Variants in ADAMTS2 observed in about 807,000 individuals in gnomAD.
ADAMTS2 encodes A disintegrin and metalloproteinase with thrombospondin motifs 2.
ADAMTS2 carries 50 observed loss-of-function variants against 123.0 expected under a neutral mutation model. That is an observed-to-expected ratio of 0.41 (90% confidence interval 0.32 to 0.51). ADAMTS2 has a LOEUF of 0.51. ADAMTS2 is among the 20% of genes least tolerant of loss of function. The pLI is 0.35. For synonymous variants in ADAMTS2, 678 were observed against 695.4 expected, an observed-to-expected ratio of 0.98 and a Z score of 0.39; for missense variants, 1,494 against 1,705.2, an observed-to-expected ratio of 0.88 and a Z score of 2.18.
At chr5:179,133,565 C>A (rs1278613815) in intron 13 of ADAMTS2, among the ~76,000 whole-genome samples, 1 of 150,950 alleles carries the variant, frequency 6.6e-6, no homozygotes, top group East Asian at 2.0e-4. Flanking sequence ...CCACCGCGCC[C>A]GGCCAAGTTT....
rs888052939 is a variant in ADAMTS2, at chr5:179,234,207, T to C, written c.689-26492A>G. 3.3e-5 allele frequency among the ~76,000 whole-genome samples: 5 copies of C among 152,106 alleles called. No individual in the cohort carries two copies. Among genetic ancestry groups the C allele is most frequent in the African/African-American group, 4.8e-5 (2 of 41,414 alleles). On this transcript the variant is annotated intron_variant, in intron 3 of 21. Coordinates refer to ENST00000251582, the MANE Select transcript of ADAMTS2 (RefSeq NM_014244.5). This position sits in a 1 kb window ranked among gnomAD's most constrained non-coding sequence, Gnocchi z 4.7. ...CGCCCTCCCCATCAGATGCCAGAGA[T>C]ATCACCAGCCCTCGAGGCTTAACCC... is the stretch of plus-strand genomic sequence containing the variant.
chr5:179,247,794 C>A (rs1425189249), intron 3 of ADAMTS2, among the ~76,000 whole-genome samples: 1 of 49,240 alleles, frequency 2.0e-5, no homozygotes, highest in Non-Finnish European at 1.2e-4. Flanking sequence ...TTCAAAAATA[C>A]AAGAAAAATT....
intron 5 of ADAMTS2, among the ~76,000 whole-genome samples, chr5:179,167,629 C>G (rs1763733156): frequency 6.6e-6 from 1 of 152,190 alleles, no homozygotes; most frequent in East Asian, 1.9e-4. Context: ...GCGCACTCAG[C>G]CAGCCCCGCA....
intron 5 of ADAMTS2, among the ~76,000 whole-genome samples, chr5:179,169,219 C>T (rs1029871057): frequency 6.6e-6 from 1 of 152,216 alleles, no homozygotes; most frequent in African/African-American, 2.4e-5. Flanking sequence ...CAAAAGAAGC[C>T]TGAGGGAGCC....
chr5:179,328,479 G>A (rs867844019), intron 2 of ADAMTS2, among the ~76,000 whole-genome samples: 15 of 152,348 alleles, frequency 9.8e-5, no homozygotes, highest in South Asian at 6.2e-4. Context: ...GCCAGGAAGG[G>A]CGCGCCTTGA....
Position 179,185,759 on chromosome 5 carries a change from C to T in ADAMTS2, c.892-4604G>A, listed in dbSNP as rs1159752460. ...GCGTGGGCCCCTGGCTGGGGAGCTC[C>T]ACTGTGGGCTGTCCGCCAGCAGCCA... On this transcript the variant is annotated intron_variant, in intron 4 of 21. Transcript: ENST00000251582. This position sits in a 1 kb window ranked among gnomAD's most constrained non-coding sequence, Gnocchi z 5.9. Among the ~76,000 whole-genome samples the T allele has an allele frequency of 6.6e-6, 1 of 152,054 alleles. No individual in the cohort carries two copies. The highest frequency in any genetic ancestry group is 1.5e-5 in the Non-Finnish European group (1 of 68,000).
chr5:179,160,231 G>A (rs535242435), intron 5 of ADAMTS2, among the ~76,000 whole-genome samples: 3 of 152,354 alleles, frequency 2.0e-5, no homozygotes, highest in South Asian at 2.1e-4. Flanking sequence ...GGCTGAGGCA[G>A]GTGGATCACC....
chr5:179,165,734 G>C (rs1763685001), intron 5 of ADAMTS2, among the ~76,000 whole-genome samples: 1 of 152,158 alleles, frequency 6.6e-6, no homozygotes, highest in Admixed American at 6.5e-5. Context: ...CACCTCCTGA[G>C]TGAGGCAGGG....
At position 179,111,408 on chromosome 5, in the gene ADAMTS2, T is replaced by A. The variant is rs1762564944; in HGVS notation, c.*2459A>T. On this transcript the variant is annotated 3_prime_UTR_variant, in exon 22 of 22. Transcript: ENST00000251582. The stretch of plus-strand genomic sequence containing the variant: ...CCAAGTGGTCCCCAGCTCAGAGATT[T>A]GCGTCGTTTCTCAGAGCCCGGTGAA... The A allele has an allele frequency of 6.6e-6, 1 of 152,258 alleles. No individual in the cohort carries two copies. The highest frequency in any genetic ancestry group is 2.1e-4 in the South Asian group (1 of 4,834). The allele number at this position is 152,258 out of a possible 1,614,324, so 9.4% of individuals were successfully genotyped here.
intron 3 of ADAMTS2, among the ~76,000 whole-genome samples, chr5:179,252,592 T>C (rs1765955616): frequency 6.6e-6 from 1 of 152,220 alleles, no homozygotes; most frequent in South Asian, 2.1e-4. Flanking sequence ...CTTTGGGGGC[T>C]ATTAATTTCT....
intron 5 of ADAMTS2, among the ~76,000 whole-genome samples, chr5:179,179,248 CT>C (rs1380433335): frequency 7.4e-6 from 1 of 135,478 alleles, no homozygotes. Context: ...TGCCTGGCCC[CT>C]AGTAGGTTTT....
Position 179,272,843 on chromosome 5 carries a change from G to C in ADAMTS2, c.688+68C>G, listed in dbSNP as rs1766576652. 2 of 1,562,166 alleles carry C rather than the reference G, an allele frequency of 1.3e-6. No individual in the cohort carries two copies. The highest frequency in any genetic ancestry group is 1.8e-5 in the Admixed American group (1 of 56,544). The stretch of plus-strand genomic sequence containing the variant: ...TGTGGAGAGCTGCCTGAGTCTCTGG[G>C]ATGCTCCCCTGGGGACCAGGGCCTC... On this transcript the variant is annotated intron_variant, in intron 3 of 21. Transcript: ENST00000251582. The surrounding 1 kb of genome is among the most constrained non-coding windows in gnomAD (Gnocchi z 5.8).
intron 4 of ADAMTS2, among the ~76,000 whole-genome samples, chr5:179,184,119 T>C (rs1422843540): frequency 6.6e-6 from 1 of 152,168 alleles, no homozygotes; most frequent in Non-Finnish European, 1.5e-5. Context: ...AAAGGCTTTA[T>C]GGGGAAGAGA....
chr5:179,132,676 T>C lies in ADAMTS2; in HGVS notation c.2209+101A>G, dbSNP rs897828539. Reference sequence around the variant, plus strand: ...CCTCTCCCCCTCCCCAGAACAGTCATAAGCCCGGACAGCCCCAGGATGAGT... The same window carrying C: ...CCTCTCCCCCTCCCCAGAACAGTCACAAGCCCGGACAGCCCCAGGATGAGT... On this transcript the variant is annotated intron_variant, in intron 14 of 21. Transcript: ENST00000251582. This position sits in a 1 kb window ranked among gnomAD's most constrained non-coding sequence, Gnocchi z 6.1. 7.5e-7 allele frequency: 1 copy of C among 1,334,508 alleles called. No individual in the cohort carries two copies. The highest frequency in any genetic ancestry group is 1.0e-6 in the Non-Finnish European group (1 of 989,488). The allele number at this position is 1,334,508 out of a possible 1,614,324, so 82.7% of individuals were successfully genotyped here. A position where few individuals can be genotyped will look rare whatever the true frequency, so the allele number is the denominator to read the frequency against.
At chr5:179,235,775 T>G (rs145991141) in intron 3 of ADAMTS2, among the ~76,000 whole-genome samples, 1 of 152,212 alleles carries the variant, frequency 6.6e-6, no homozygotes, top group Non-Finnish European at 1.5e-5. Context: ...TGGGCCCCCA[T>G]GAACCATGTG....
intron 2 of ADAMTS2, among the ~76,000 whole-genome samples, chr5:179,335,836 G>A (rs1757598002): frequency 6.6e-6 from 1 of 152,172 alleles, no homozygotes; most frequent in Admixed American, 6.5e-5. Flanking sequence ...GATGGGCAGG[G>A]CAAGGTAACG....
intron 2 of ADAMTS2, among the ~76,000 whole-genome samples, chr5:179,286,283 C>T (rs1434045643): frequency 6.6e-6 from 1 of 151,818 alleles, no homozygotes; most frequent in Non-Finnish European, 1.5e-5. Context: ...CCTGCCCACA[C>T]CAGCTGGAAC....
chr5:179,164,590 C>T (rs140429067), intron 5 of ADAMTS2, among the ~76,000 whole-genome samples: 3 of 152,038 alleles, frequency 2.0e-5, no homozygotes, highest in South Asian at 2.1e-4. Context: ...GCGTGGGGTC[C>T]GCAGTGCAGG....
intron 2 of ADAMTS2, among the ~76,000 whole-genome samples, chr5:179,288,279 C>T (rs531122912): frequency 4.6e-5 from 7 of 152,352 alleles, no homozygotes; most frequent in East Asian, 3.9e-4. Context: ...CGCTGACCGC[C>T]GACCGTCCTC....
Sources: gnomAD v4.1 joint callset for allele counts (sites outside exome capture counted in the v4.1 genomes callset) on GRCh38, gnomAD v4.1.1 for gene constraint, Gnocchi (gnomAD v3.1) non-coding constraint, MANE v1.5 for transcripts, NCBI Gene and HGNC (gene_info 2026-07-23, HGNC 2026-07-21) for gene names.